RARB: variants seen among roughly 807,000 people sequenced by gnomAD.
The protein encoded by RARB is HBV-activated protein.
A neutral mutation model predicts 51.9 loss-of-function variants in RARB; 17 were observed. That is an observed-to-expected ratio of 0.33 (90% CI 0.22 to 0.49). The LOEUF (loss-of-function observed/expected upper bound fraction) is 0.49, where lower values mean the gene tolerates loss of function less well. Ranked by LOEUF, RARB falls within the 20% of genes least tolerant of loss-of-function variation. The pLI is 0.99. For missense variants in RARB, 369 were observed against 550.8 expected, an observed-to-expected ratio of 0.67 and a Z score of 3.30; for synonymous variants, 215 against 195.4, an observed-to-expected ratio of 1.10 and a Z score of -0.84.
intron 5 of RARB, among the ~76,000 whole-genome samples, chr3:25,259,449 A>T (rs9850636): frequency 1.3e-5 from 2 of 152,164 alleles, no homozygotes; most frequent in African/African-American, 4.8e-5. Flanking sequence ...AATCTTCTGT[A>T]TAATTCTCCA....
chr3:25,343,576 A>G (rs897504318), intron 5 of RARB, among the ~76,000 whole-genome samples: 1 of 152,146 alleles, frequency 6.6e-6, no homozygotes, highest in African/African-American at 2.4e-5. Flanking sequence ...AATTTTCCCA[A>G]ATTTATGTTC....
At chr3:25,152,944 C>A (rs1031038583) in intron 4 of RARB, among the ~76,000 whole-genome samples, 1 of 152,154 alleles carries the variant, frequency 6.6e-6, no homozygotes, top group Non-Finnish European at 1.5e-5. Context: ...TTGATACAAA[C>A]TTCTTCTACA....
At chr3:25,594,730 T>TA (rs1701749917) in intron 7 of RARB, 52 bp downstream of exon 7, 1 of 1,439,358 alleles carries the variant, frequency 6.9e-7, no homozygotes, top group Admixed American at 2.4e-5. Context: ...TTGAGGGCCT[T>TA]ACCAGGTTGT....
At chr3:25,179,483 G>A (rs999116331) in intron 5 of RARB, among the ~76,000 whole-genome samples, 23 of 152,116 alleles carry the variant, frequency 1.5e-4, no homozygotes, top group Non-Finnish European at 2.8e-4. Flanking sequence ...TATATTGCTG[G>A]TATTTTGTGA....
Position 25,401,651 on chromosome 3 carries a change from T to C in RARB, c.179-59542T>C, listed in dbSNP as rs2125494715. ...TGAAGATCTTAGGCTTAGTAGCAGA[T>C]TGGACACCACAGAAGAACGGATTAG... On this transcript the variant is annotated intron_variant, in intron 5 of 11. Transcript: ENST00000383772. Among the ~76,000 whole-genome samples the C allele has an allele frequency of 2.6e-5, 4 of 152,308 alleles. 1 individual carries two copies. Among genetic ancestry groups the C allele is most frequent in the Admixed American group, 2.6e-4 (4 of 15,290 alleles).
At chr3:24,971,624 T>A (rs1696399765) in intron 2 of RARB, among the ~76,000 whole-genome samples, 1 of 152,058 alleles carries the variant, frequency 6.6e-6, no homozygotes, top group Admixed American at 6.6e-5. Context: ...TTCTAAAAAA[T>A]GGCAGCACAT....
chr3:25,006,071 A>T (rs1697265917), intron 2 of RARB, among the ~76,000 whole-genome samples: 1 of 152,104 alleles, frequency 6.6e-6, no homozygotes, highest in African/African-American at 2.4e-5. Context: ...CAGACAGCCA[A>T]AGGGTTCACT....
upstream of RARB, among the ~76,000 whole-genome samples, chr3:25,424,456 C>G (rs750168408): frequency 6.6e-6 from 1 of 152,252 alleles, no homozygotes; most frequent in African/African-American, 2.4e-5. Flanking sequence ...GCCAACATCT[C>G]TGCCTTGGCT....
intron 5 of RARB, among the ~76,000 whole-genome samples, chr3:25,360,697 C>A (rs936559045): frequency 6.6e-6 from 1 of 152,128 alleles, no homozygotes; most frequent in African/African-American, 2.4e-5. Flanking sequence ...TCAGCATTTG[C>A]TTGACTGTAA....
At chr3:25,218,590 A>G (rs1037440951) in intron 5 of RARB, among the ~76,000 whole-genome samples, 1 of 152,130 alleles carries the variant, frequency 6.6e-6, no homozygotes, top group Non-Finnish European at 1.5e-5. Flanking sequence ...ATTTACCCAG[A>G]CAGAGAGGAG....
chr3:25,580,016 G>A (rs948411078), intron 4 of RARB, among the ~76,000 whole-genome samples: 1 of 152,220 alleles, frequency 6.6e-6, no homozygotes, highest in Non-Finnish European at 1.5e-5. Flanking sequence ...TGCATACAGA[G>A]ATACTTCCTC....
intron 4 of RARB, among the ~76,000 whole-genome samples, chr3:25,146,684 T>G (rs1048941760): frequency 2.7e-5 from 3 of 112,368 alleles, no homozygotes; most frequent in Non-Finnish European, 3.9e-5. Context: ...TTTTGTGGGG[T>G]TTTTTTTGTA....
chr3:24,979,058 G>A (rs1056403329), intron 2 of RARB, among the ~76,000 whole-genome samples: 2 of 152,120 alleles, frequency 1.3e-5, no homozygotes, highest in South Asian at 4.1e-4. Context: ...GTAGTTGTGT[G>A]GTTTTGAGTG....
chr3:25,287,774 T>G (rs1438506986), intron 5 of RARB, among the ~76,000 whole-genome samples: 1 of 152,164 alleles, frequency 6.6e-6, no homozygotes, highest in Non-Finnish European at 1.5e-5. Flanking sequence ...TATAAAACTG[T>G]ATCCAGGAAG....
chr3:25,319,457 A>G (rs998871304), intron 5 of RARB, among the ~76,000 whole-genome samples: 1 of 152,122 alleles, frequency 6.6e-6, no homozygotes. Context: ...TATGGGTAAG[A>G]CTGTCATCAA....
chr3:25,059,432 C>G (rs190368429), intron 2 of RARB, among the ~76,000 whole-genome samples: 2 of 151,742 alleles, frequency 1.3e-5, no homozygotes, highest in African/African-American at 2.4e-5. Flanking sequence ...TATGTCCACT[C>G]TCACCATACC....
Position 25,461,254 on chromosome 3 carries a change from T to C in RARB, c.219T>C (p.Pro73=). 2 of 1,613,408 alleles carry C rather than the reference T, an allele frequency of 1.2e-6. No individual in the cohort carries two copies. The highest frequency in any genetic ancestry group is 1.7e-6 in the Non-Finnish European group (2 of 1,179,818). The change falls in exon 2 of 8, where the codon CCT becomes CCC. Residue 73 remains proline (P), a synonymous_variant. Transcript: ENST00000330688. ...TCCCAAGCCCCCCATCTCCACTTCC[T>C]CCCCCTCGAGTGTACAAACCCTGCT... ...ELVPSPPSPL[P]PPRVYKPCFV...
chr3:25,283,701 G>T (rs2125417163), intron 5 of RARB, among the ~76,000 whole-genome samples: 1 of 152,300 alleles, frequency 6.6e-6, no homozygotes, highest in East Asian at 1.9e-4. Context: ...CTGTGGGGCT[G>T]CTGTACTGAG....
chr3:24,966,259 C>T (rs1331536696), intron 2 of RARB, among the ~76,000 whole-genome samples: 1 of 152,010 alleles, frequency 6.6e-6, no homozygotes, highest in African/African-American at 2.4e-5. Context: ...GTGAAAGAGA[C>T]TGTTAGGTCA....
Sources: allele counts gnomAD v4.1 joint callset (sites outside exome capture counted in the v4.1 genomes callset), GRCh38; gene constraint gnomAD v4.1.1; transcripts MANE v1.5; gene names NCBI Gene and HGNC (gene_info 2026-07-23, HGNC 2026-07-21).